Variants in FKBP6 observed in about 807,000 individuals in gnomAD.
FKBP6 encodes the protein FKBP prolyl isomerase family member 6 (inactive).
In FKBP6, 29 loss-of-function variants were observed where a neutral mutation model predicts 41.7. The observed-to-expected ratio is 0.70, with a 90% CI of 0.52 to 0.95. FKBP6 has a LOEUF of 0.95. Ranked by LOEUF, FKBP6 falls within the 40% of genes least tolerant of loss-of-function variation. The probability of loss-of-function intolerance (pLI) is 0.00; values close to 1 mark genes in which losing one functional copy is unlikely to be tolerated. For synonymous variants in FKBP6, 130 were observed against 165.1 expected (o/e 0.79, Z 1.63); for missense variants, 338 against 408.7 (o/e 0.83, Z 1.49).
At chr7:73,347,801 C>T (rs573563263) in intron 8 of FKBP6, among the ~76,000 whole-genome samples, 5 of 152,284 alleles carry the variant, frequency 3.3e-5, no homozygotes, top group South Asian at 2.1e-4. Context: ...TGTGCCACCA[C>T]GTCCAGCTAA....
At chr7:73,354,291 C>T (rs1215599048) in intron 8 of FKBP6, among the ~76,000 whole-genome samples, 4 of 152,148 alleles carry the variant, frequency 2.6e-5, no homozygotes, top group Non-Finnish European at 5.9e-5. Context: ...TGCAGAGGGA[C>T]GTGGCCAAGG....
intron 5 of FKBP6, among the ~76,000 whole-genome samples, chr7:73,334,498 G>T (rs1185087907): frequency 1.4e-5 from 2 of 147,824 alleles, no homozygotes; most frequent in African/African-American, 2.5e-5. Flanking sequence ...ATTTAAAACT[G>T]GGGGGCCAGG....
At chr7:73,347,878 C>T (rs1456273519) in intron 8 of FKBP6, among the ~76,000 whole-genome samples, 1 of 152,194 alleles carries the variant, frequency 6.6e-6, no homozygotes, top group Non-Finnish European at 1.5e-5. Flanking sequence ...CTCCTGGGCT[C>T]AAGTGATCCT....
rs782053011 is a variant in FKBP6, at chr7:73,330,159, T to A, written c.275T>A (p.Leu92Gln). ...TTGTCCATTCTTACAGATATTACAC[T>A]GTGGGGCATGGAGCTGGGCCTTCTG... is the stretch of plus-strand genomic sequence containing the variant. ...RLMKLGEDIT[L>Q]WGMELGLLSM... Residue 92 changes from leucine (L) to glutamine (Q), a missense_variant, in exon 4 of 9, where the codon CTG becomes CAG. Leu to Gln is a moderately radical substitution (Grantham distance 113). Coordinates refer to ENST00000252037, the MANE Select transcript of FKBP6 (RefSeq NM_003602.5). 1.9e-6 allele frequency: 3 copies of A among 1,613,230 alleles called. No homozygotes were observed. The highest frequency in any genetic ancestry group is 1.6e-4 in the Middle Eastern group (1 of 6,078).
intron 5 of FKBP6, among the ~76,000 whole-genome samples, chr7:73,333,065 A>G (rs1311911765): frequency 6.6e-6 from 1 of 152,100 alleles, no homozygotes; most frequent in African/African-American, 2.4e-5. Flanking sequence ...TGAGGTCAGG[A>G]GTTTGAGACC....
chr7:73,336,940 A>G (rs1185208763), intron 5 of FKBP6: 1 of 330,678 alleles, frequency 3.0e-6, no homozygotes, highest in Non-Finnish European at 6.2e-6. Context: ...AAACAGAAGA[A>G]GGGAATGACT....
intron 8 of FKBP6, among the ~76,000 whole-genome samples, chr7:73,343,806 A>G (rs996070029): frequency 6.6e-6 from 1 of 152,224 alleles, no homozygotes; most frequent in Non-Finnish European, 1.5e-5. Context: ...GCTCTCTCGG[A>G]GAAGTCAAAC....
intron 5 of FKBP6, among the ~76,000 whole-genome samples, chr7:73,338,153 G>A (rs907279615): frequency 2.6e-5 from 4 of 152,078 alleles, no homozygotes; most frequent in African/African-American, 9.7e-5. Context: ...AGCCTCCCAA[G>A]TAGCTGGGAT....
intron 8 of FKBP6, among the ~76,000 whole-genome samples, chr7:73,352,126 C>T (rs1228262861): frequency 6.6e-6 from 1 of 152,144 alleles, no homozygotes; most frequent in African/African-American, 2.4e-5. Flanking sequence ...CCAGCATGCC[C>T]TGCTGATTTT....
Position 73,331,669 on chromosome 7 carries a change from C to G in FKBP6, c.481C>G (p.Gln161Glu). ...CTCTGGTCCTCAGGAGCAGCAAGAC[C>G]AATTTCCACTTCAGAAGGTCCTGAA... is the stretch of plus-strand genomic sequence containing the variant. ...FCALSAEQQD[Q>E]FPLQKVLKVA... is the part of the protein sequence containing the mutation. The change falls in exon 5 of 9, where the codon CAA becomes GAA. Residue 161 changes from glutamine to glutamate, a missense_variant. Transcript: ENST00000252037. The G allele has an allele frequency of 6.2e-7, 1 of 1,613,736 alleles. No homozygotes were observed. Among genetic ancestry groups the G allele is most frequent in the Non-Finnish European group, 8.5e-7 (1 of 1,179,686 alleles).
chr7:73,329,434 A>G lies in FKBP6; in HGVS notation c.250A>G (p.Met84Val), dbSNP rs370449707. ...TTACTTTAGGAAAACTCCTCGGCTA[A>G]TGAAACTTGGAGAGGGTAGGTTCAG... ...SNYFRKTPRL[M>V]KLGEDITLWG... The change falls in exon 3 of 9, where the codon ATG (methionine) becomes GTG (valine). Residue 84 changes from methionine to valine, a missense_variant. Transcript: ENST00000252037. The G allele has an allele frequency of 6.2e-7, 1 of 1,600,214 alleles. No homozygotes were observed. The highest frequency in any genetic ancestry group is 8.6e-7 in the Non-Finnish European group (1 of 1,167,478).
At chr7:73,340,917 CTTTTTTT>C (rs368227645) in intron 6 of FKBP6, 85 bp downstream of exon 6, 73 of 482,866 alleles carry the variant, frequency 1.5e-4, no homozygotes, top group Middle Eastern at 5.9e-4. Flanking sequence ...AAAATGCTGT[CTTTTTTT>C]TTTTTTTTTT....
At chr7:73,340,374 G>A (rs991868213) in intron 5 of FKBP6, among the ~76,000 whole-genome samples, 4 of 152,102 alleles carry the variant, frequency 2.6e-5, no homozygotes, top group Admixed American at 6.5e-5. Flanking sequence ...AAAATTAGCC[G>A]GGCATGGTGG....
intron 8 of FKBP6, among the ~76,000 whole-genome samples, chr7:73,351,082 T>C (rs1563323152): frequency 6.6e-6 from 1 of 152,198 alleles, no homozygotes; most frequent in Non-Finnish European, 1.5e-5. Flanking sequence ...AATTATTTTT[T>C]TTTCCTTAAT....
In FKBP6 at chr7:73,329,356, C is replaced by G. The variant is rs781900507; in HGVS notation, c.176-4C>G. ...TTTTCCTTACATTCTTTCTTCTATC[C>G]TAGTGAAATACTCGGGATACCTGGA... On this transcript the variant is annotated splice_polypyrimidine_tract_variant and splice_region_variant and intron_variant, in intron 2 of 8. Coordinates refer to ENST00000252037, the MANE Select transcript of FKBP6 (RefSeq NM_003602.5). 119 of 1,563,162 alleles carry G rather than the reference C, an allele frequency of 7.6e-5. No homozygotes were observed. The highest frequency in any genetic ancestry group is 1.0e-4 in the Non-Finnish European group (115 of 1,133,818).
At chr7:73,335,940 C>A (rs73131585) in intron 5 of FKBP6, among the ~76,000 whole-genome samples, 149,855 of 152,292 alleles carry the variant, frequency 0.98, 73,737 homozygotes, top group East Asian at 1. Flanking sequence ...AAAGTTTCTC[C>A]GTCTTTGGAG....
At chr7:73,352,708 T>C (rs1805525238) in intron 8 of FKBP6, among the ~76,000 whole-genome samples, 2 of 152,162 alleles carry the variant, frequency 1.3e-5, no homozygotes, top group African/African-American at 4.8e-5. Context: ...TTTTCAAATC[T>C]AATAGATAAG....
intron 8 of FKBP6, among the ~76,000 whole-genome samples, chr7:73,353,731 T>C (rs917320851): frequency 3.9e-5 from 6 of 151,942 alleles, no homozygotes; most frequent in East Asian, 1.9e-4. Flanking sequence ...TATTTCTTTT[T>C]TTCTTCTTTT....
chr7:73,348,331 T>G (rs1193299560), intron 8 of FKBP6, among the ~76,000 whole-genome samples: 1 of 152,152 alleles, frequency 6.6e-6, no homozygotes, highest in Admixed American at 6.5e-5. Context: ...CAAAGTTACA[T>G]AACGAATAAT....
Sources: allele counts gnomAD v4.1 joint callset (sites outside exome capture counted in the v4.1 genomes callset), GRCh38; gene constraint gnomAD v4.1.1; transcripts MANE v1.5; gene names NCBI Gene and HGNC (gene_info 2026-07-23, HGNC 2026-07-21).